The following SCAPER variants were observed in gnomAD, a reference collection of about 807,000 sequenced individuals.
The protein encoded by SCAPER is S phase cyclin A-associated protein in the endoplasmic reticulum.
A neutral mutation model predicts 182.2 loss-of-function variants in SCAPER; 98 were observed. The ratio of observed to expected loss-of-function variants is 0.54; its 90% CI spans 0.46 to 0.64. SCAPER has a LOEUF of 0.64. SCAPER is among the 30% of genes least tolerant of loss of function. The pLI is 0.00. For missense variants in SCAPER, 1,432 were observed against 1,690.0 expected (o/e 0.85, Z 2.68); for synonymous variants, 605 against 564.6 (o/e 1.07, Z -1.01).
At chr15:76,562,440 A>G (rs114213112) in intron 23 of SCAPER, among the ~76,000 whole-genome samples, 296 of 152,266 alleles carry the variant, frequency 1.9e-3, no homozygotes, top group African/African-American at 6.3e-3. Flanking sequence ...ATATTCTAAC[A>G]ATCAGTAGAA....
At chr15:76,607,036 T>G (rs539945867) in intron 22 of SCAPER, among the ~76,000 whole-genome samples, 1 of 152,232 alleles carries the variant, frequency 6.6e-6, no homozygotes, top group Non-Finnish European at 1.5e-5. Flanking sequence ...AATATTGTTA[T>G]GTGTGAATTT....
intron 31 of SCAPER, chr15:76,349,744 T>C (rs1291197061): frequency 6.6e-6 from 1 of 151,960 alleles, no homozygotes; most frequent in Non-Finnish European, 1.5e-5. Flanking sequence ...ATTCCCCCTT[T>C]GCTGTTCTGT....
chr15:76,770,216 C>T (rs143513665), intron 10 of SCAPER, among the ~76,000 whole-genome samples: 3,953 of 34,306 alleles, frequency 0.12, 105 homozygotes, highest in Admixed American at 0.16. Context: ...GGGTGGGGGG[C>T]TGGGGGAGGG....
At chr15:76,435,298 T>C (rs1188153963) in intron 25 of SCAPER, among the ~76,000 whole-genome samples, 1 of 152,254 alleles carries the variant, frequency 6.6e-6, no homozygotes, top group East Asian at 1.9e-4. Flanking sequence ...TATGCAAATA[T>C]TCACAGCTAA....
Position 76,699,236 on chromosome 15 carries a change from C to T in SCAPER, c.2508+2522G>A, listed in dbSNP as rs76182843. On this transcript the variant is annotated intron_variant, in intron 20 of 31. Coordinates refer to ENST00000563290, the MANE Select transcript of SCAPER (RefSeq NM_020843.4). Reference sequence around the variant, plus strand: ...GGGAGATGGTTTCACTTTTTTCATGCTATTTGGATGCCTCTGATTCTTTCT... The same window carrying T: ...GGGAGATGGTTTCACTTTTTTCATGTTATTTGGATGCCTCTGATTCTTTCT... Among the ~76,000 whole-genome samples, 1,106 of 152,154 alleles carry T rather than the reference C, an allele frequency of 7.3e-3. 8 individuals are homozygous for T. The highest frequency in any genetic ancestry group is 0.011 in the Non-Finnish European group (756 of 67,996).
intron 27 of SCAPER, among the ~76,000 whole-genome samples, chr15:76,390,099 G>A (rs1555421000): frequency 6.6e-6 from 1 of 152,106 alleles, no homozygotes; most frequent in Non-Finnish European, 1.5e-5. Context: ...TGGGACTACA[G>A]GCATATGCTA....
At chr15:76,740,381 A>T (rs183476357) in intron 15 of SCAPER, among the ~76,000 whole-genome samples, 32 of 152,358 alleles carry the variant, frequency 2.1e-4, no homozygotes, top group African/African-American at 6.0e-4. Context: ...AAGAGAGCTT[A>T]CATTACTTCA....
In SCAPER at chr15:76,742,072, A is replaced by G. The variant is rs2061569199; in HGVS notation, c.1867-8688T>C. Reference sequence around the variant, plus strand: ...GGATTGGTTAGAGAGTAGAGAGAAAATTAAGATAGTGCAGAAGTTTTCTAG... The same window carrying G: ...GGATTGGTTAGAGAGTAGAGAGAAAGTTAAGATAGTGCAGAAGTTTTCTAG... On this transcript the variant is annotated intron_variant, in intron 15 of 31. Transcript: ENST00000563290. Among the ~76,000 whole-genome samples, 4 of 152,250 alleles carry G rather than the reference A, an allele frequency of 2.6e-5. No homozygotes were observed. In the East Asian group the frequency reaches 7.7e-4, roughly 29 times the overall value.
At chr15:76,389,785 T>C (rs1174517588) in intron 27 of SCAPER, among the ~76,000 whole-genome samples, 4 of 130,504 alleles carry the variant, frequency 3.1e-5, no homozygotes, top group African/African-American at 1.2e-4. Context: ...CACTGCACTC[T>C]AGCCTGGCCG....
At chr15:76,708,915 A>C (rs985611404) in intron 17 of SCAPER, among the ~76,000 whole-genome samples, 6 of 151,916 alleles carry the variant, frequency 3.9e-5, no homozygotes, top group Admixed American at 6.6e-5. Context: ...AAAATACAAA[A>C]ATCAGCCAGG....
intron 1 of SCAPER, among the ~76,000 whole-genome samples, chr15:76,903,352 G>A (rs1196477096): frequency 6.6e-6 from 1 of 152,154 alleles, no homozygotes; most frequent in Non-Finnish European, 1.5e-5. Flanking sequence ...TAACCATAAT[G>A]CTATGGTCTG....
chr15:76,351,946 GA>G (rs757140083), intron 30 of SCAPER, among the ~76,000 whole-genome samples: 2 of 152,108 alleles, frequency 1.3e-5, no homozygotes, highest in Non-Finnish European at 1.5e-5. Context: ...TTATGTTACA[GA>G]TTTTTTTTGT....
intron 20 of SCAPER, among the ~76,000 whole-genome samples, chr15:76,698,247 TGA>T (rs762023603): frequency 7.2e-5 from 11 of 152,090 alleles, no homozygotes; most frequent in Non-Finnish European, 1.0e-4. Context: ...AAGGTGAAAT[TGA>T]GAGTTCTACT....
At chr15:76,509,711 T>C (rs1271087346) in intron 23 of SCAPER, among the ~76,000 whole-genome samples, 1 of 151,944 alleles carries the variant, frequency 6.6e-6, no homozygotes, top group Non-Finnish European at 1.5e-5. Context: ...TTCACAGAAC[T>C]AGAAAAAACA....
intron 1 of SCAPER, among the ~76,000 whole-genome samples, chr15:76,888,625 A>C (rs1369263413): frequency 1.3e-5 from 2 of 151,926 alleles, no homozygotes; most frequent in South Asian, 2.1e-4. Flanking sequence ...AAGATTAGAC[A>C]AAAAAAAGAG....
chr15:76,420,235 C>CTTTTT (rs71143323), intron 26 of SCAPER, among the ~76,000 whole-genome samples: 8 of 116,916 alleles, frequency 6.8e-5, no homozygotes, highest in East Asian at 5.1e-4. Flanking sequence ...ATGTTTTTTC[C>CTTTTT]TTTTTTTTTT....
intron 21 of SCAPER, among the ~76,000 whole-genome samples, chr15:76,660,733 G>A (rs2056080384): frequency 6.6e-6 from 1 of 152,124 alleles, no homozygotes; most frequent in Non-Finnish European, 1.5e-5. Context: ...ACAAGACAGT[G>A]TAGTATGATA....
intron 24 of SCAPER, among the ~76,000 whole-genome samples, chr15:76,502,514 T>C (rs541332410): frequency 2.6e-5 from 4 of 151,858 alleles, no homozygotes; most frequent in African/African-American, 7.2e-5. Flanking sequence ...TAGGTGGGAA[T>C]TGAACAATGA....
chr15:76,827,778 A>G (rs910652450), intron 5 of SCAPER, among the ~76,000 whole-genome samples: 5 of 152,322 alleles, frequency 3.3e-5, no homozygotes, highest in Middle Eastern at 3.4e-3. Context: ...AATCAGGAAG[A>G]AATAGTTGAA....
Sources: gnomAD v4.1 joint callset for allele counts (sites outside exome capture counted in the v4.1 genomes callset) on GRCh38, gnomAD v4.1.1 for gene constraint, MANE v1.5 for transcripts, NCBI Gene and HGNC (gene_info 2026-07-23, HGNC 2026-07-21) for gene names.